Variants in ERICH3 observed in about 807,000 individuals in gnomAD.
ERICH3 encodes glutamate-rich protein 3.
Under a neutral mutation model 131.1 loss-of-function variants are expected in ERICH3, and 126 were observed. The observed-to-expected ratio is 0.96, with a 90% confidence interval of 0.83 to 1.11. ERICH3 has a LOEUF of 1.11. Among genes scored for constraint, ERICH3 ranks in the 50% most tolerant of loss-of-function variants. The probability of loss-of-function intolerance (pLI) is 0.00; values close to 1 mark genes in which losing one functional copy is unlikely to be tolerated. For missense variants in ERICH3, 2,050 were observed against 1,810.7 expected, an observed-to-expected ratio of 1.13 and a Z score of -2.40; for synonymous variants, 695 against 644.6, an observed-to-expected ratio of 1.08 and a Z score of -1.18.
At chr1:74,590,221 C>T in intron 11 of ERICH3, 141 bp from the exon 12 acceptor site, 1 of 777,754 alleles carries the variant, frequency 1.3e-6, no homozygotes, top group South Asian at 2.1e-5. Context: ...CCCATATAGT[C>T]TACTCAGTGG....
chr1:74,645,614 A>C (rs1281274950), intron 3 of ERICH3, among the ~76,000 whole-genome samples: 1 of 152,048 alleles, frequency 6.6e-6, no homozygotes, highest in Non-Finnish European at 1.5e-5. Flanking sequence ...CTATTGAGTA[A>C]ATTTGAAACA....
chr1:74,640,011 A>G (rs1388334315), intron 5 of ERICH3, among the ~76,000 whole-genome samples: 2 of 152,222 alleles, frequency 1.3e-5, no homozygotes, highest in African/African-American at 2.4e-5. Flanking sequence ...GGCGGGCCAC[A>G]TGAAGAATCC....
At chr1:74,624,664 TA>T (rs1207142295) in intron 7 of ERICH3, 1 of 152,578 alleles carries the variant, frequency 6.6e-6, no homozygotes, top group African/African-American at 2.4e-5. Flanking sequence ...ACAGAAATGA[TA>T]ATAAGGGTTC....
At position 74,571,958 on chromosome 1, in the gene ERICH3, CAGG is replaced by C. The variant is rs1646957285; in HGVS notation, c.3749_3751del (p.Ser1250del). On this transcript the variant is annotated inframe_deletion, in exon 14 of 15. Coordinates refer to ENST00000326665, the MANE Select transcript of ERICH3 (RefSeq NM_001002912.5). Reference sequence around the variant, plus strand: ...TTCAGCTCTCCCCTCCAGTCCTGCGCAGGAGTCGTGATCTTTGGCTGCTAGCTC... The same window carrying C: ...TTCAGCTCTCCCCTCCAGTCCTGCGCAGTCGTGATCTTTGGCTGCTAGCTC... The C allele has an allele frequency of 1.2e-6, 2 of 1,613,846 alleles. No individual in the cohort carries two copies. The highest frequency in any genetic ancestry group is 1.7e-6 in the Non-Finnish European group (2 of 1,180,026).
intron 1 of ERICH3, among the ~76,000 whole-genome samples, chr1:74,668,401 A>G (rs999879222): frequency 2.0e-5 from 3 of 152,232 alleles, no homozygotes; most frequent in Admixed American, 2.0e-4. Context: ...TTGCACAGGT[A>G]TTGATACAAC....
intron 7 of ERICH3, chr1:74,624,542 T>A (rs530152895): frequency 6.6e-6 from 1 of 152,204 alleles, no homozygotes; most frequent in African/African-American, 2.4e-5. Flanking sequence ...TTTTTCTTAC[T>A]ACTGTGTAAA....
At chr1:74,645,160 C>T (rs1646470262) in intron 3 of ERICH3, among the ~76,000 whole-genome samples, 1 of 151,950 alleles carries the variant, frequency 6.6e-6, no homozygotes, top group South Asian at 2.1e-4. Context: ...TTTCTGAACT[C>T]ACTCTATTCG....
intron 5 of ERICH3, among the ~76,000 whole-genome samples, chr1:74,637,758 A>G (rs1339188396): frequency 1.3e-5 from 2 of 152,074 alleles, no homozygotes; most frequent in African/African-American, 4.8e-5. Flanking sequence ...TGTCTCTACA[A>G]AAAATGCAAA....
rs563662666 is a variant in ERICH3, at chr1:74,649,162, G to A, written c.117+60C>T. 6.7e-6 allele frequency: 8 copies of A among 1,187,282 alleles called. No individual in the cohort carries two copies. In the South Asian group the frequency reaches 1.0e-4, roughly 15 times the overall value. The allele number at this position is 1,187,282 out of a possible 1,614,324, so 73.5% of individuals were successfully genotyped here. The stretch of plus-strand genomic sequence containing the variant: ...TCACTCAAAGAGAAAGCCTGAAAAG[G>A]TAGGGAATTATTGGACTTAATGAAA... On this transcript the variant is annotated intron_variant, in intron 2 of 14. Coordinates refer to ENST00000326665, the MANE Select transcript of ERICH3 (RefSeq NM_001002912.5).
chr1:74,652,603 G>T (rs1336511077), intron 1 of ERICH3, among the ~76,000 whole-genome samples: 1 of 149,462 alleles, frequency 6.7e-6, no homozygotes, highest in East Asian at 2.0e-4. Flanking sequence ...AGGTCACCTT[G>T]CTCTGGGCTT....
At chr1:74,615,560 C>T (rs908430428) in intron 8 of ERICH3, among the ~76,000 whole-genome samples, 2 of 152,090 alleles carry the variant, frequency 1.3e-5, no homozygotes, top group African/African-American at 2.4e-5. Flanking sequence ...ATGTGTTCTC[C>T]TGACTCAAAA....
chr1:74,603,023 G>A (rs1482912400), intron 10 of ERICH3, among the ~76,000 whole-genome samples: 1 of 151,710 alleles, frequency 6.6e-6, no homozygotes, highest in African/African-American at 2.4e-5. Flanking sequence ...TGCTATAACA[G>A]CCCTGTAATT....
chr1:74,606,012 G>A (rs2100587151), intron 10 of ERICH3, among the ~76,000 whole-genome samples: 1 of 140,964 alleles, frequency 7.1e-6, no homozygotes, highest in African/African-American at 2.6e-5. Context: ...GTGTGTCTGT[G>A]TGTGTGTGTG....
chr1:74,662,761 G>T (rs1419670776), intron 1 of ERICH3, among the ~76,000 whole-genome samples: 1 of 151,828 alleles, frequency 6.6e-6, no homozygotes, highest in Non-Finnish European at 1.5e-5. Context: ...AATAGGTAAT[G>T]CTGCTGTCTC....
chr1:74,640,472 C>T (rs1240191921), intron 5 of ERICH3, among the ~76,000 whole-genome samples: 1 of 152,120 alleles, frequency 6.6e-6, no homozygotes, highest in African/African-American at 2.4e-5. Flanking sequence ...GAAAGCATTG[C>T]AATTTCTCCA....
At chr1:74,641,280 A>G (rs746875194) in intron 5 of ERICH3, 51 bp downstream of exon 5, 4 of 1,589,716 alleles carry the variant, frequency 2.5e-6, no homozygotes, top group Non-Finnish European at 2.6e-6. Flanking sequence ...ATAAGAAATA[A>G]TAAATTAATT....
At chr1:74,620,310 C>A (rs184178821) in intron 8 of ERICH3, among the ~76,000 whole-genome samples, 1 of 152,288 alleles carries the variant, frequency 6.6e-6, no homozygotes, top group Admixed American at 6.5e-5. Flanking sequence ...ATTCACCCTG[C>A]AGTTTATTGG....
In ERICH3 at chr1:74,572,837, G is replaced by A; in HGVS notation, c.2873C>T (p.Pro958Leu). Residue 958 changes from proline to leucine, a missense_variant, in exon 14 of 15, where the codon CCC becomes CTC. Coordinates refer to ENST00000326665, the MANE Select transcript of ERICH3 (RefSeq NM_001002912.5). The stretch of plus-strand genomic sequence containing the variant: ...TCTCTTTGATGCTGTGTCCTCCATG[G>A]GTCCTGTGTCCTCTAGGTCTATGGA... Reference protein sequence around the residue: ...EASIDLEDTGPMEDTASKRED... With the variant: ...EASIDLEDTGLMEDTASKRED... The A allele has an allele frequency of 6.2e-7, 1 of 1,613,548 alleles. No individual in the cohort carries two copies. Among genetic ancestry groups the A allele is most frequent in the Non-Finnish European group, 8.5e-7 (1 of 1,179,982 alleles).
intron 10 of ERICH3, 60 bp from the exon 11 acceptor site, chr1:74,599,991 T>G (rs909410516): frequency 3.8e-5 from 46 of 1,221,798 alleles, no homozygotes; most frequent in Non-Finnish European, 5.0e-5. Flanking sequence ...CTTAACCTAT[T>G]TCTCTCTAAT....
Sources: allele counts gnomAD v4.1 joint callset (sites outside exome capture counted in the v4.1 genomes callset), GRCh38; gene constraint gnomAD v4.1.1; transcripts MANE v1.5; gene names NCBI Gene and HGNC (gene_info 2026-07-23, HGNC 2026-07-21).